NDUFA10: variants seen among roughly 807,000 people sequenced by gnomAD.
NDUFA10 encodes the protein NADH:ubiquinone oxidoreductase subunit A10, also known as NADH dehydrogenase [ubiquinone] 1 alpha subcomplex subunit 10, mitochondrial.
A neutral mutation model predicts 47.8 loss-of-function variants in NDUFA10; 40 were observed. The ratio of observed to expected loss-of-function variants is 0.84; its 90% CI spans 0.65 to 1.09. The LOEUF (loss-of-function observed/expected upper bound fraction) is 1.09. Ranked by LOEUF, NDUFA10 falls within the 50% of genes least tolerant of loss-of-function variation. NDUFA10 has a pLI of 0.00. For missense variants in NDUFA10, 413 were observed against 451.1 expected (o/e 0.92, Z 0.76); for synonymous variants, 183 against 172.2 (o/e 1.06, Z -0.49).
chr2:239,962,129 G>A (rs956620764), intron 9 of NDUFA10, among the ~76,000 whole-genome samples: 18 of 152,144 alleles, frequency 1.2e-4, no homozygotes, highest in Admixed American at 3.9e-4. Flanking sequence ...AGCACGGTGT[G>A]TGTCGCCCAG....
chr2:239,918,528 A>C (rs10194429), intron 4 of NDUFA10, among the ~76,000 whole-genome samples: 1 of 152,066 alleles, frequency 6.6e-6, no homozygotes, highest in African/African-American at 2.4e-5. Flanking sequence ...GGAAAACCTG[A>C]CTTGGCAAAA....
chr2:239,895,162 C>G (rs1693368423), intron 5 of NDUFA10: 1 of 405,998 alleles, frequency 2.5e-6, no homozygotes, highest in East Asian at 8.4e-5. Context: ...TCACATCCTC[C>G]CTCTCCAGGA....
At chr2:240,017,882 T>A in intron 4 of NDUFA10, 1 of 1,569,320 alleles carries the variant, frequency 6.4e-7, no homozygotes, top group Non-Finnish European at 8.6e-7. Context: ...ATTCCAGCTT[T>A]CCACTGGCTC....
chr2:239,960,897 A>T lies in NDUFA10; in HGVS notation c.*221T>A, dbSNP rs1468837136. The stretch of plus-strand genomic sequence containing the variant: ...AGTGAGAATGGTGGGCCATTCCAAA[A>T]CAAAGCTAAAGGGTTCCAAACATCC... On this transcript the variant is annotated 3_prime_UTR_variant, in exon 10 of 10. Coordinates refer to ENST00000252711, the MANE Select transcript of NDUFA10 (RefSeq NM_004544.4). 3 of 1,438,984 alleles carry T rather than the reference A, an allele frequency of 2.1e-6. No homozygotes were observed. Among genetic ancestry groups the T allele is most frequent in the Non-Finnish European group, 2.7e-6 (3 of 1,092,262 alleles). 89.1% of individuals were successfully genotyped at this position (1,438,984 alleles called of 1,614,324 possible). A position where few individuals can be genotyped will look rare whatever the true frequency, so the allele number is the denominator to read the frequency against.
chr2:239,923,508 A>G (rs1694021724), intron 4 of NDUFA10, among the ~76,000 whole-genome samples: 1 of 152,218 alleles, frequency 6.6e-6, no homozygotes, highest in Admixed American at 6.5e-5. Context: ...AAATTAAACA[A>G]CAGATTTATA....
At position 240,021,388 on chromosome 2, in the gene NDUFA10, C is replaced by T. The variant is rs1451181819; in HGVS notation, c.269G>A (p.Gly90Glu). ...TGTGGTACTGTCTGGATAATGAATCCCCGCTTCAGGAAAGTGCTTGAAGCC... is the reference window on the plus strand; with the variant it reads ...TGTGGTACTGTCTGGATAATGAATCTCCGCTTCAGGAAAGTGCTTGAAGCC... ...KLGFKHFPEAGIHYPDSTTGD... is the reference protein window; with the variant it reads ...KLGFKHFPEAEIHYPDSTTGD... The change falls in exon 3 of 10, where the codon GGG becomes GAG. Residue 90 changes from glycine (G) to glutamate (E), a missense_variant. By Grantham distance (98) the Gly-to-Glu change is moderately conservative. Coordinates refer to ENST00000252711, the MANE Select transcript of NDUFA10 (RefSeq NM_004544.4). 3 of 1,614,152 alleles carry T rather than the reference C, an allele frequency of 1.9e-6. No homozygotes were observed. The South Asian group carries it at 3.3e-5, about 18-fold the overall frequency.
rs933621107 is a variant in NDUFA10, at chr2:239,958,199, C to T, written c.*2919G>A. 3 of 152,220 alleles carry T rather than the reference C, an allele frequency of 2.0e-5. No homozygotes were observed. Among genetic ancestry groups the T allele is most frequent in the Admixed American group, 6.5e-5 (1 of 15,288 alleles). The allele number at this position is 152,220 out of a possible 1,614,324, so 9.4% of individuals were successfully genotyped here. On this transcript the variant is annotated 3_prime_UTR_variant, in exon 10 of 10. Transcript: ENST00000252711. The stretch of plus-strand genomic sequence containing the variant: ...GACAGCCATGGCAGCTTTCCCTCCA[C>T]CCCTATTTTGCCAAACCCCCAAATC...
At chr2:240,011,944 T>A in intron 5 of NDUFA10, 2 of 512,046 alleles carry the variant, frequency 3.9e-6, no homozygotes, top group Non-Finnish European at 7.2e-6. Context: ...CATTCTAAGA[T>A]GTATACTTAG....
intron 8 of NDUFA10, among the ~76,000 whole-genome samples, chr2:239,996,105 G>A (rs929025203): frequency 6.6e-5 from 10 of 152,132 alleles, no homozygotes; most frequent in African/African-American, 2.4e-4. Context: ...AATCAGTAAA[G>A]ATACCGATGA....
chr2:239,923,223 T>C (rs1694017724), intron 4 of NDUFA10, among the ~76,000 whole-genome samples: 1 of 152,164 alleles, frequency 6.6e-6, no homozygotes, highest in African/African-American at 2.4e-5. Flanking sequence ...ACTTGTAGAC[T>C]TCAATACCCT....
chr2:239,925,122 T>A (rs1694046285), intron 4 of NDUFA10, among the ~76,000 whole-genome samples: 1 of 152,214 alleles, frequency 6.6e-6, no homozygotes, highest in Non-Finnish European at 1.5e-5. Flanking sequence ...CCTAAATTCA[T>A]CTATAGTCTT....
At chr2:239,984,634 CT>C (rs1463900235) in intron 9 of NDUFA10, among the ~76,000 whole-genome samples, 2 of 152,192 alleles carry the variant, frequency 1.3e-5, no homozygotes, top group Non-Finnish European at 2.9e-5. Context: ...GTTAAAACGG[CT>C]AACACATCTG....
chr2:240,000,794 T>A (rs769131986), intron 8 of NDUFA10, among the ~76,000 whole-genome samples: 1 of 152,206 alleles, frequency 6.6e-6, no homozygotes, highest in Non-Finnish European at 1.5e-5. Flanking sequence ...GCCAACAGTA[T>A]TCAGTACTGT....
chr2:239,929,172 C>G (rs969927395), intron 4 of NDUFA10, among the ~76,000 whole-genome samples: 1 of 152,208 alleles, frequency 6.6e-6, no homozygotes, highest in Non-Finnish European at 1.5e-5. Context: ...CCAGGCGAGA[C>G]GCTGCCCTGA....
intron 4 of NDUFA10, among the ~76,000 whole-genome samples, chr2:239,909,224 G>A (rs1307475698): frequency 6.6e-6 from 1 of 152,198 alleles, no homozygotes; most frequent in South Asian, 2.1e-4. Flanking sequence ...TGACAGAGAT[G>A]CAGAAAACTG....
rs1694760312 is a variant in NDUFA10 at position 239,959,518 on chromosome 2, T to C, written c.*1600A>G. Reference sequence around the variant, plus strand: ...GCCCAGCTGTGCTTTCATTTCATGATTAAAGCTGTTGGTTTCCTAGTGAAA... The same window carrying C: ...GCCCAGCTGTGCTTTCATTTCATGACTAAAGCTGTTGGTTTCCTAGTGAAA... On this transcript the variant is annotated 3_prime_UTR_variant, in exon 10 of 10. Transcript: ENST00000252711. 1.0e-6 allele frequency: 1 copy of C among 985,494 alleles called. No homozygotes were observed. The highest frequency in any genetic ancestry group is 4.7e-5 in the South Asian group (1 of 21,288). The allele number at this position is 985,494 out of a possible 1,614,324, so 61.0% of individuals were successfully genotyped here.
At chr2:239,936,891 C>T (rs1042642630) in intron 4 of NDUFA10, among the ~76,000 whole-genome samples, 4 of 152,144 alleles carry the variant, frequency 2.6e-5, no homozygotes, top group African/African-American at 7.2e-5. Context: ...ATCTGAGAGG[C>T]GGAGGTTGCA....
chr2:239,966,397 G>A (rs1695058812), intron 9 of NDUFA10, among the ~76,000 whole-genome samples: 1 of 152,160 alleles, frequency 6.6e-6, no homozygotes, highest in South Asian at 2.1e-4. Flanking sequence ...GATACAAAAT[G>A]ACACATGAGG....
At chr2:240,005,380 G>T in intron 7 of NDUFA10, 85 bp from the exon 8 acceptor site, 3 of 1,100,994 alleles carry the variant, frequency 2.7e-6, no homozygotes, top group Non-Finnish European at 2.8e-6. Context: ...ACAGGGTCCG[G>T]CTCTATCATC....
Sources: allele counts gnomAD v4.1 joint callset (sites outside exome capture counted in the v4.1 genomes callset), GRCh38; gene constraint gnomAD v4.1.1; transcripts MANE v1.5; gene names NCBI Gene and HGNC (gene_info 2026-07-23, HGNC 2026-07-21).